Variants in PLEKHH2 observed in about 807,000 individuals in gnomAD.
The protein encoded by PLEKHH2 is pleckstrin homology, MyTH4 and FERM domain containing H2, also known as pleckstrin homology domain-containing family H member 2.
A neutral mutation model predicts 187.9 loss-of-function variants in PLEKHH2; 129 were observed. The observed-to-expected ratio is 0.69, with a 90% confidence interval of 0.59 to 0.79. The LOEUF (loss-of-function observed/expected upper bound fraction) is 0.79. Ranked by LOEUF, PLEKHH2 falls within the 30% of genes least tolerant of loss-of-function variation. The pLI, the probability that PLEKHH2 is intolerant of heterozygous loss-of-function variation, is 0.00. For synonymous variants in PLEKHH2, 686 were observed against 605.6 expected, an observed-to-expected ratio of 1.13 and a Z score of -1.95; for missense variants, 2,076 against 1,751.2, an observed-to-expected ratio of 1.19 and a Z score of -3.31.
chr2:43,672,884 G>C (rs1667557178), intron 2 of PLEKHH2, among the ~76,000 whole-genome samples: 1 of 151,912 alleles, frequency 6.6e-6, no homozygotes, highest in Non-Finnish European at 1.5e-5. Context: ...CTTGTCCTTG[G>C]TTTATGTAAT....
At chr2:43,658,403 A>T (rs907272038) in intron 2 of PLEKHH2, among the ~76,000 whole-genome samples, 4 of 152,240 alleles carry the variant, frequency 2.6e-5, no homozygotes, top group Non-Finnish European at 4.4e-5. Flanking sequence ...TGTATTAACA[A>T]ATGACTCCAA....
rs550048372 is a variant in PLEKHH2, at chr2:43,731,812, C to G, written c.2943+210C>G. 2.0e-5 allele frequency among the ~76,000 whole-genome samples: 3 copies of G among 152,232 alleles called. No individual in the cohort carries two copies. In the East Asian group the frequency reaches 5.8e-4, roughly 29 times the overall value. On this transcript the variant is annotated intron_variant, in intron 19 of 29. Transcript: ENST00000282406. ...AGGATTTGGGATTTACTGAAATAAA[C>G]TATTAATGTGTATGGTTTGGGCAAT...
rs193252509 is a variant in PLEKHH2 at position 43,720,990 on chromosome 2, A to G, written c.2541+241A>G. Among the ~76,000 whole-genome samples the G allele has an allele frequency of 4.7e-4, 72 of 152,302 alleles. 1 individual carries two copies. Among genetic ancestry groups the G allele is most frequent in the African/African-American group, 1.3e-3 (53 of 41,576 alleles). On this transcript the variant is annotated intron_variant, in intron 16 of 29. Transcript: ENST00000282406. ...ATTAATGCATCTTCTAAGACCTAGA[A>G]CAGTCTTCTTCTATTCCCTCCCCAC...
At chr2:43,683,500 A>G (rs1382097531) in intron 3 of PLEKHH2, among the ~76,000 whole-genome samples, 1 of 151,840 alleles carries the variant, frequency 6.6e-6, no homozygotes, top group Non-Finnish European at 1.5e-5. Context: ...AGATTGATAC[A>G]TTTCATTTGA....
intron 2 of PLEKHH2, among the ~76,000 whole-genome samples, chr2:43,645,984 A>G (rs766890269): frequency 2.0e-5 from 3 of 152,164 alleles, no homozygotes; most frequent in Non-Finnish European, 2.9e-5. Flanking sequence ...TTATTATAAT[A>G]ACATTCAGCA....
rs142986027 is a variant in PLEKHH2, at chr2:43,740,667, T to C, written c.3124-279T>C. ...GAAAAAAAAGAAACAATGTTCCTAA[T>C]CTTTGAGTGTAACGTCAAAAAGGAG... is the stretch of plus-strand genomic sequence containing the variant. On this transcript the variant is annotated intron_variant, in intron 20 of 29. Coordinates refer to ENST00000282406, the MANE Select transcript of PLEKHH2 (RefSeq NM_172069.4). 1,498 of 251,706 alleles carry C rather than the reference T, an allele frequency of 6.0e-3. 10 individuals carry two copies. The highest frequency in any genetic ancestry group is 0.032 in the South Asian group (202 of 6,380). The allele number at this position is 251,706 out of a possible 1,614,324, so 15.6% of individuals were successfully genotyped here. A position where few individuals can be genotyped will look rare whatever the true frequency, so the allele number is the denominator to read the frequency against.
chr2:43,683,488 C>A (rs1345524732), intron 3 of PLEKHH2, among the ~76,000 whole-genome samples: 1 of 151,922 alleles, frequency 6.6e-6, no homozygotes, highest in Non-Finnish European at 1.5e-5. Context: ...GGGATCTAAA[C>A]TAGATTGATA....
intron 19 of PLEKHH2, among the ~76,000 whole-genome samples, chr2:43,734,165 A>G (rs965839237): frequency 3.3e-5 from 5 of 152,212 alleles, no homozygotes; most frequent in African/African-American, 1.2e-4. Context: ...TAAAGTACTC[A>G]TCTTTCAGAT....
intron 3 of PLEKHH2, among the ~76,000 whole-genome samples, chr2:43,691,103 C>A (rs1396502749): frequency 6.6e-6 from 1 of 151,484 alleles, no homozygotes; most frequent in Admixed American, 6.6e-5. Context: ...CAGCCACACA[C>A]TCAGTCTCTT....
chr2:43,736,773 C>T (rs541215975), intron 19 of PLEKHH2, among the ~76,000 whole-genome samples: 13 of 152,170 alleles, frequency 8.5e-5, no homozygotes, highest in African/African-American at 2.6e-4. Flanking sequence ...GCAGAAGTTG[C>T]GCTGAGCTCT....
chr2:43,759,038 G>T lies in PLEKHH2; in HGVS notation c.4071+9G>T. The T allele has an allele frequency of 6.2e-7, 1 of 1,610,638 alleles. No homozygotes were observed. The highest frequency in any genetic ancestry group is 1.7e-4 in the Middle Eastern group (1 of 6,050). On this transcript the variant is annotated intron_variant, in intron 27 of 29. Transcript: ENST00000282406. ...AGTTGTTTCTTGCAAAAGTAAGAAA[G>T]AATGGGAGAGAGATGCATAATGAAA...
intron 2 of PLEKHH2, among the ~76,000 whole-genome samples, chr2:43,671,724 T>A (rs1424218236): frequency 6.6e-6 from 1 of 152,232 alleles, no homozygotes; most frequent in East Asian, 1.9e-4. Context: ...ATATTTCTTT[T>A]CTAGCCACTT....
chr2:43,761,571 C>T (rs1672430960), intron 27 of PLEKHH2, among the ~76,000 whole-genome samples: 1 of 151,896 alleles, frequency 6.6e-6, no homozygotes, highest in African/African-American at 2.4e-5. Flanking sequence ...CCACCATGCC[C>T]AGCTGATTTT....
rs565837475 is a variant in PLEKHH2, at chr2:43,654,338, G to A, written c.123+9542G>A. On this transcript the variant is annotated intron_variant, in intron 2 of 29. Coordinates refer to ENST00000282406, the MANE Select transcript of PLEKHH2 (RefSeq NM_172069.4). ...GCCTCCTGAGTAGCTGGGACTACAG[G>A]TGTGCACCACCACATCCAGCTAATT... Among the ~76,000 whole-genome samples the A allele has an allele frequency of 2.0e-4, 31 of 152,078 alleles. No individual in the cohort carries two copies. In the East Asian group the frequency reaches 3.7e-3, roughly 18 times the overall value.
intron 15 of PLEKHH2, among the ~76,000 whole-genome samples, chr2:43,713,099 A>AACACACACACACACACACACACAC (rs10524364): frequency 3.3e-5 from 5 of 150,778 alleles, no homozygotes; most frequent in African/African-American, 1.2e-4. Context: ...ATATCAAATC[A>AACACACACACACACACACACACAC]ACACACACAC....
chr2:43,651,393 G>T (rs1666466425), intron 2 of PLEKHH2, among the ~76,000 whole-genome samples: 1 of 152,032 alleles, frequency 6.6e-6, no homozygotes, highest in Non-Finnish European at 1.5e-5. Flanking sequence ...AGCCTCTCTT[G>T]GTTATATTTC....
At chr2:43,727,398 G>A (rs1486716620) in intron 17 of PLEKHH2, among the ~76,000 whole-genome samples, 8 of 71,902 alleles carry the variant, frequency 1.1e-4, no homozygotes, top group African/African-American at 1.8e-4. Flanking sequence ...GCGACAGAGC[G>A]AGACTCCGTC....
intron 2 of PLEKHH2, chr2:43,675,545 G>C (rs750548400): frequency 1.2e-6 from 2 of 1,613,886 alleles, no homozygotes. Context: ...ACTTGCTGAG[G>C]GTTATTAGAC....
chr2:43,737,496 A>C (rs893802719), intron 19 of PLEKHH2, among the ~76,000 whole-genome samples: 3 of 152,222 alleles, frequency 2.0e-5, no homozygotes, highest in Non-Finnish European at 4.4e-5. Flanking sequence ...GGAATCTAGA[A>C]GCAGTTTAGC....
Sources: gnomAD v4.1 joint callset for allele counts (sites outside exome capture counted in the v4.1 genomes callset) on GRCh38, gnomAD v4.1.1 for gene constraint, MANE v1.5 for transcripts, NCBI Gene and HGNC (gene_info 2026-07-23, HGNC 2026-07-21) for gene names.